KLF12: variants seen among roughly 807,000 people sequenced by gnomAD.
KLF12 encodes the protein Krueppel-like factor 12.
KLF12 carries 9 observed loss-of-function variants against 37.8 expected under a neutral mutation model. The ratio of observed to expected loss-of-function variants is 0.24; its 90% confidence interval spans 0.14 to 0.42. KLF12 has a LOEUF of 0.42. KLF12 is among the 10% of genes least tolerant of loss of function. KLF12 has a pLI of 1.00. For missense variants in KLF12, 411 were observed against 516.0 expected (o/e 0.80, Z 1.97); for synonymous variants, 208 against 202.1 (o/e 1.03, Z -0.25).
chr13:74,237,912 C>G, the KLF12 span, among the ~76,000 whole-genome samples: 1 of 151,852 alleles, frequency 6.6e-6, no homozygotes, highest in Non-Finnish European at 1.5e-5. Flanking sequence ...TCCTCTTTTC[C>G]TAATTGAATA....
intron 1 of KLF12, among the ~76,000 whole-genome samples, chr13:74,002,923 G>A (rs1038043168): frequency 1.3e-5 from 2 of 152,250 alleles, no homozygotes; most frequent in African/African-American, 4.8e-5. Context: ...GTCAACAAAG[G>A]TGGGCTGAAT....
chr13:74,023,299 T>C (rs1379330899), intron 1 of KLF12, among the ~76,000 whole-genome samples: 1 of 152,206 alleles, frequency 6.6e-6, no homozygotes, highest in Non-Finnish European at 1.5e-5. Flanking sequence ...TACTTACATG[T>C]TTGCTAAAAA....
At chr13:74,181,518 A>AAAAT in the KLF12 span, among the ~76,000 whole-genome samples, 1 of 151,096 alleles carries the variant, frequency 6.6e-6, no homozygotes, top group African/African-American at 2.4e-5. Flanking sequence ...TGTCTCTACT[A>AAAAT]AAACAAACAA....
At chr13:73,794,396 G>A (rs1881850950) in intron 5 of KLF12, among the ~76,000 whole-genome samples, 1 of 152,220 alleles carries the variant, frequency 6.6e-6, no homozygotes, top group Admixed American at 6.5e-5. Context: ...AGGAGGCAGA[G>A]GTTGCAGTGA....
chr13:74,143,960 G>A, the KLF12 span, among the ~76,000 whole-genome samples: 2 of 152,276 alleles, frequency 1.3e-5, no homozygotes, highest in East Asian at 1.9e-4. Flanking sequence ...TTGGTTTACT[G>A]AGACCATAAT....
At chr13:74,048,743 A>G (rs954731935) in intron 1 of KLF12, among the ~76,000 whole-genome samples, 1 of 152,194 alleles carries the variant, frequency 6.6e-6, no homozygotes, top group Non-Finnish European at 1.5e-5. Context: ...AGTAAAGAAA[A>G]CAGACTGATT....
chr13:73,851,064 G>C (rs1885309908), intron 3 of KLF12, among the ~76,000 whole-genome samples: 1 of 152,210 alleles, frequency 6.6e-6, no homozygotes, highest in Admixed American at 6.5e-5. Flanking sequence ...CTATAAAAGT[G>C]TGATGTTAAT....
intron 6 of KLF12, among the ~76,000 whole-genome samples, chr13:73,741,995 C>T (rs1011650988): frequency 2.2e-4 from 33 of 148,470 alleles, no homozygotes; most frequent in African/African-American, 7.6e-4. Flanking sequence ...CACTTTCCTG[C>T]AGTCACTCAC....
the KLF12 span, among the ~76,000 whole-genome samples, chr13:74,299,889 GAGAA>G: frequency 2.6e-5 from 4 of 152,150 alleles, no homozygotes; most frequent in East Asian, 7.7e-4. Context: ...TTCAGGAAAG[GAGAA>G]AGAAAGACAA....
intron 3 of KLF12, among the ~76,000 whole-genome samples, chr13:73,931,832 T>C (rs1315948824): frequency 6.6e-6 from 1 of 151,888 alleles, no homozygotes; most frequent in East Asian, 1.9e-4. Context: ...TTTTTTACCA[T>C]TTACAATACA....
chr13:74,194,696 G>A, the KLF12 span, among the ~76,000 whole-genome samples: 1 of 152,100 alleles, frequency 6.6e-6, no homozygotes, highest in Non-Finnish European at 1.5e-5. Context: ...GCCAAGAGGG[G>A]GCCTAGATGA....
At chr13:73,905,334 C>T (rs1346131256) in intron 3 of KLF12, among the ~76,000 whole-genome samples, 3 of 149,822 alleles carry the variant, frequency 2.0e-5, no homozygotes, top group Non-Finnish European at 1.5e-5. Flanking sequence ...TGAGACAGCG[C>T]TAACCTTTTT....
At chr13:73,964,444 A>C (rs1038755027) in intron 2 of KLF12, among the ~76,000 whole-genome samples, 1 of 151,996 alleles carries the variant, frequency 6.6e-6, no homozygotes, top group African/African-American at 2.4e-5. Flanking sequence ...ACAATAGCAA[A>C]ACCACCGCTC....
chr13:74,028,971 T>C (rs1223521753), intron 1 of KLF12, among the ~76,000 whole-genome samples: 1 of 152,134 alleles, frequency 6.6e-6, no homozygotes, highest in Non-Finnish European at 1.5e-5. Context: ...AGTACTAACT[T>C]CCAGATGCCC....
chr13:73,752,346 G>A (rs1878820421), intron 6 of KLF12, among the ~76,000 whole-genome samples: 1 of 144,756 alleles, frequency 6.9e-6, no homozygotes, highest in Admixed American at 6.9e-5. Context: ...TGGTTTGCAG[G>A]CATTTTTACC....
At chr13:74,249,489 T>G in the KLF12 span, among the ~76,000 whole-genome samples, 4,948 of 152,134 alleles carry the variant, frequency 0.033, 118 homozygotes, top group Middle Eastern at 0.071. Flanking sequence ...CACAAGCTTC[T>G]CAGGGATTCT....
intron 5 of KLF12, among the ~76,000 whole-genome samples, chr13:73,795,110 A>T (rs1308250623): frequency 6.6e-6 from 1 of 152,190 alleles, no homozygotes; most frequent in Non-Finnish European, 1.5e-5. Context: ...TTTTTTCTGC[A>T]CAGAATTGGG....
the KLF12 span, among the ~76,000 whole-genome samples, chr13:74,283,592 G>A: frequency 3.3e-5 from 5 of 152,152 alleles, no homozygotes; most frequent in Non-Finnish European, 7.3e-5. Context: ...GGCAGACCAA[G>A]CATTAGATTG....
In KLF12 at chr13:73,943,973, G is replaced by C. The variant is rs754246720; in HGVS notation, c.123+8C>G. ...AGGAGTGGGGCATTGCTGGAAACTT[G>C]TGCTTACCCCTTGTTCAGATTCCAA... On this transcript the variant is annotated splice_region_variant and intron_variant, in intron 3 of 7. Coordinates refer to ENST00000377669, the MANE Select transcript of KLF12 (RefSeq NM_007249.5). 3.8e-6 allele frequency: 6 copies of C among 1,590,172 alleles called. No homozygotes were observed. In the Admixed American group the frequency reaches 1.0e-4, roughly 27 times the overall value.
Sources: allele counts gnomAD v4.1 joint callset (sites outside exome capture counted in the v4.1 genomes callset), GRCh38; gene constraint gnomAD v4.1.1; transcripts MANE v1.5; gene names NCBI Gene and HGNC (gene_info 2026-07-23, HGNC 2026-07-21).